The following BUD31 variants were observed in gnomAD, a reference collection of about 807,000 sequenced individuals.
BUD31 encodes BUD31 spliceosome associated protein, also known as protein BUD31 homolog.
Under a neutral mutation model 17.9 loss-of-function variants are expected in BUD31, and 9 were observed. That is an observed-to-expected ratio of 0.50 (90% CI 0.30 to 0.88). The LOEUF is 0.88. Among genes scored for constraint, BUD31 ranks in the 40% least tolerant of loss-of-function variants. The probability of loss-of-function intolerance (pLI) is 0.06; values close to 1 mark genes in which losing one functional copy is unlikely to be tolerated. For synonymous variants in BUD31, 70 were observed against 64.7 expected (o/e 1.08, Z -0.39); for missense variants, 148 against 184.5 (o/e 0.80, Z 1.15).
chr7:99,416,338 C>T (rs1471966703), intron 4 of BUD31, 78 bp downstream of exon 4: 16 of 1,528,172 alleles, frequency 1.0e-5, no homozygotes, highest in Admixed American at 9.0e-5. Flanking sequence ...TCCTTATTCT[C>T]GCAACCTGTG....
intron 5 of BUD31, 46 bp from the exon 6 acceptor site, chr7:99,419,345 C>G (rs764912236): frequency 6.8e-6 from 11 of 1,606,894 alleles, no homozygotes; most frequent in Non-Finnish European, 9.4e-6. Flanking sequence ...TGTGCAGGGG[C>G]GAGCGTGGCG....
chr7:99,419,342 G>C, intron 5 of BUD31, 49 bp from the exon 6 acceptor site: 1 of 1,605,370 alleles, frequency 6.2e-7, no homozygotes, highest in East Asian at 2.2e-5. Flanking sequence ...GAGTGTGCAG[G>C]GGCGAGCGTG....
intron 5 of BUD31, chr7:99,419,172 A>G: frequency 3.4e-6 from 2 of 583,152 alleles, no homozygotes; most frequent in Non-Finnish European, 6.1e-6. Flanking sequence ...AACATATTAT[A>G]AATAGACATA....
At chr7:99,418,591 T>G (rs1795640302) in intron 5 of BUD31, 1 of 152,710 alleles carries the variant, frequency 6.5e-6, no homozygotes, top group Admixed American at 6.5e-5. Context: ...TACTGAGCAG[T>G]GGGGGCGAGC....
At chr7:99,419,151 T>G (rs1795678062) in intron 5 of BUD31, 1 of 560,316 alleles carries the variant, frequency 1.8e-6, no homozygotes, top group Non-Finnish European at 3.2e-6. Context: ...AAACGTGTGT[T>G]GGATTTGCAG....
At chr7:99,417,915 G>GT in intron 5 of BUD31, 1 of 1,299,698 alleles carries the variant, frequency 7.7e-7, no homozygotes, top group Non-Finnish European at 9.9e-7. Flanking sequence ...AGGACAACCA[G>GT]TGAGTTCCTG....
intron 3 of BUD31, among the ~76,000 whole-genome samples, chr7:99,414,474 TGTTAA>T (rs1445650192): frequency 1.3e-5 from 2 of 152,224 alleles, no homozygotes; most frequent in Admixed American, 6.5e-5. Context: ...AAAGTGAACC[TGTTAA>T]ATTATCCAAT....
chr7:99,419,413 A>G lies in BUD31; in HGVS notation c.407A>G (p.His136Arg). The change falls in exon 6 of 6, where the codon CAC (histidine) becomes CGC (arginine). Residue 136 changes from histidine to arginine, a missense_variant. His to Arg is a conservative substitution (Grantham distance 29). Transcript: ENST00000222969. ...CAGGGCCGCATCATCGAGTGCACAC[A>G]CTGTGGCTGTCGTGGCTGCTCTGGC... ...LEVGRIIECTHCGCRGCSG is the reference protein window; with the variant it reads ...LEVGRIIECTRCGCRGCSG The G allele has an allele frequency of 6.2e-7, 1 of 1,613,140 alleles. No individual in the cohort carries two copies. Among genetic ancestry groups the G allele is most frequent in the Non-Finnish European group, 8.5e-7 (1 of 1,179,998 alleles).
intron 4 of BUD31, chr7:99,417,219 A>C: frequency 2.1e-6 from 1 of 470,786 alleles, no homozygotes. Flanking sequence ...CGCCCGAGTA[A>C]TTTTTGTATT....
intron 5 of BUD31, chr7:99,417,884 G>T: frequency 2.2e-6 from 3 of 1,354,018 alleles, no homozygotes; most frequent in Non-Finnish European, 2.9e-6. Flanking sequence ...TCCCAAGGTG[G>T]TGGCAGGGTG....
chr7:99,414,146 A>AT (rs578216416), intron 3 of BUD31, among the ~76,000 whole-genome samples: 14,343 of 147,364 alleles, frequency 0.097, 1,197 homozygotes, highest in African/African-American at 0.23. Context: ...TTATTTTTTT[A>AT]TTTTTTTTTT....
intron 4 of BUD31, chr7:99,416,594 T>C (rs1795480067): frequency 5.3e-6 from 1 of 190,230 alleles, no homozygotes; most frequent in African/African-American, 2.3e-5. Flanking sequence ...AATTTTTGTA[T>C]TTTTAGTAAA....
At position 99,414,424 on chromosome 7, in the gene BUD31, TTAAA is replaced by T. The variant is rs1188324741; in HGVS notation, c.95-1710_95-1707del. Among the ~76,000 whole-genome samples, 14 of 152,322 alleles carry T rather than the reference TTAAA, an allele frequency of 9.2e-5. 1 individual carries two copies. In the South Asian group the frequency reaches 2.7e-3, roughly 29 times the overall value. ...AAATGCCCGGCGGCTTATTCTGTTT[TTAAA>T]TAACAGCTTTATTGAGATATTAATC... On this transcript the variant is annotated intron_variant, in intron 3 of 5. Transcript: ENST00000222969.
chr7:99,416,034 T>G, intron 3 of BUD31, 104 bp from the exon 4 acceptor site: 1 of 1,494,612 alleles, frequency 6.7e-7, no homozygotes, highest in South Asian at 1.3e-5. Context: ...GCCATCCTAG[T>G]GGGTATAAAG....
intron 3 of BUD31, chr7:99,415,193 C>T: frequency 4.4e-6 from 2 of 451,556 alleles, no homozygotes; most frequent in South Asian, 3.1e-5. Flanking sequence ...GCCCCAAATG[C>T]CAGGCTGCAC....
intron 5 of BUD31, 136 bp downstream of exon 5, chr7:99,417,731 G>A (rs1382956899): frequency 6.5e-7 from 1 of 1,536,672 alleles, no homozygotes; most frequent in Non-Finnish European, 8.7e-7. Flanking sequence ...CTCCCTCGTG[G>A]GAGTGGGTCC....
chr7:99,410,977 CAAGG>C, intron 2 of BUD31, 83 bp from the exon 3 acceptor site: 1 of 823,534 alleles, frequency 1.2e-6, no homozygotes, highest in South Asian at 1.6e-5. Context: ...TATGCTGACT[CAAGG>C]AAGTCAGCCT....
Position 99,419,495 on chromosome 7 carries a change from C to T in BUD31, c.*54C>T. 3 of 1,596,684 alleles carry T rather than the reference C, an allele frequency of 1.9e-6. No homozygotes were observed. The highest frequency in any genetic ancestry group is 1.3e-5 in the African/African-American group (1 of 74,792). On this transcript the variant is annotated 3_prime_UTR_variant, in exon 6 of 6. Coordinates refer to ENST00000222969, the MANE Select transcript of BUD31 (RefSeq NM_003910.4). ...ACTTCGCAGGTTCCTGCCTGTCACG[C>T]CACCCCCTTCCTGGGAGCAGCGAGC...
intron 4 of BUD31, chr7:99,417,209 C>T (rs759958064): frequency 2.5e-5 from 11 of 446,082 alleles, no homozygotes; most frequent in East Asian, 1.4e-4. Context: ...GCTGCTACCA[C>T]GCCCGAGTAA....
Sources: gnomAD v4.1 joint callset for allele counts (sites outside exome capture counted in the v4.1 genomes callset) on GRCh38, gnomAD v4.1.1 for gene constraint, MANE v1.5 for transcripts, NCBI Gene and HGNC (gene_info 2026-07-23, HGNC 2026-07-21) for gene names.